The following FCRL2 variants were observed in gnomAD, a reference collection of about 807,000 sequenced individuals.
FCRL2 encodes the protein Fc receptor-like protein 2.
A neutral mutation model predicts 59.8 loss-of-function variants in FCRL2; 48 were observed. That is an observed-to-expected ratio of 0.80 (90% CI 0.64 to 1.02). FCRL2 has a LOEUF of 1.02. Among genes scored for constraint, FCRL2 ranks in the 50% least tolerant of loss-of-function variants. FCRL2 has a pLI of 0.00. For synonymous variants in FCRL2, 251 were observed against 229.5 expected, an observed-to-expected ratio of 1.09 and a Z score of -0.85; for missense variants, 658 against 597.3, an observed-to-expected ratio of 1.10 and a Z score of -1.06.
chr1:157,756,505 A>G (rs996623002), intron 7 of FCRL2, among the ~76,000 whole-genome samples: 1 of 152,140 alleles, frequency 6.6e-6, no homozygotes, highest in Non-Finnish European at 1.5e-5. Context: ...CAACATATAG[A>G]GTCATCTCCA....
At chr1:157,770,715 A>AT in intron 2 of FCRL2, 49 bp from the exon 3 acceptor site, 1 of 1,604,096 alleles carries the variant, frequency 6.2e-7, no homozygotes, top group East Asian at 2.2e-5. Flanking sequence ...CAGAGAACCC[A>AT]GACAGACTCC....
In FCRL2 at chr1:157,748,599, A is replaced by T. The variant is rs1300632539; in HGVS notation, c.1413T>A (p.Asp471Glu). The T allele has an allele frequency of 1.9e-6, 3 of 1,613,816 alleles. No individual in the cohort carries two copies. The highest frequency in any genetic ancestry group is 2.5e-6 in the Non-Finnish European group (3 of 1,179,846). ...VYVNVGSVDVDVVYSQVWSMQ... is the reference protein window; with the variant it reads ...VYVNVGSVDVEVVYSQVWSMQ... ...TGCTCCAGACCTGAGAATAAACCAC[A>T]TCCACATCTACAGAGCCCACTGCAG... The change falls in exon 10 of 12, where the codon GAT (aspartate) becomes GAA (glutamate). Residue 471 changes from aspartate (D) to glutamate (E), a missense_variant. Physicochemically the swap from Asp to Glu is conservative, Grantham distance 45. Coordinates refer to ENST00000361516, the MANE Select transcript of FCRL2 (RefSeq NM_030764.4).
chr1:157,765,994 C>T (rs1385819562), intron 7 of FCRL2, among the ~76,000 whole-genome samples: 1 of 152,146 alleles, frequency 6.6e-6, no homozygotes, highest in Non-Finnish European at 1.5e-5. Flanking sequence ...CGTATATGTG[C>T]TCTAGTTGAC....
intron 7 of FCRL2, among the ~76,000 whole-genome samples, chr1:157,753,306 C>A (rs565307259): frequency 6.6e-6 from 1 of 152,252 alleles, no homozygotes; most frequent in South Asian, 2.1e-4. Context: ...ACCCCAGATG[C>A]CAATAATATG....
intron 7 of FCRL2, among the ~76,000 whole-genome samples, chr1:157,751,831 A>G (rs867706234): frequency 1.3e-5 from 2 of 152,260 alleles, no homozygotes; most frequent in Admixed American, 6.5e-5. Flanking sequence ...GGTAATGTTA[A>G]TAGTTGGGGG....
At chr1:157,753,643 T>C (rs1264784765) in intron 7 of FCRL2, among the ~76,000 whole-genome samples, 1 of 152,192 alleles carries the variant, frequency 6.6e-6, no homozygotes, top group Non-Finnish European at 1.5e-5. Flanking sequence ...TCCCATTACA[T>C]AGGTATGATT....
At chr1:157,767,678 G>A in intron 5 of FCRL2, 169 bp from the exon 6 acceptor site, 1 of 1,578,522 alleles carries the variant, frequency 6.3e-7, no homozygotes, top group Non-Finnish European at 8.6e-7. Flanking sequence ...AATATATTTA[G>A]ACGTTTGAGG....
intron 7 of FCRL2, among the ~76,000 whole-genome samples, chr1:157,750,225 T>C (rs548841254): frequency 1.3e-5 from 2 of 152,358 alleles, no homozygotes; most frequent in East Asian, 1.9e-4. Flanking sequence ...AAACGCAGTA[T>C]ATTAGCATAG....
At chr1:157,775,701 C>T in intron 2 of FCRL2, 74 bp downstream of exon 2, 1 of 1,548,714 alleles carries the variant, frequency 6.5e-7, no homozygotes, top group East Asian at 2.2e-5. Context: ...CCAGAGCCAC[C>T]TCTATAGAAT....
At position 157,745,852 on chromosome 1, in the gene FCRL2, T is replaced by A. The variant is rs1647704028; in HGVS notation, c.*884A>T. 6.6e-6 allele frequency: 1 copy of A among 152,260 alleles called. No individual in the cohort carries two copies. Among genetic ancestry groups the A allele is most frequent in the African/African-American group, 2.4e-5 (1 of 41,474 alleles). 9.4% of individuals were successfully genotyped at this position (152,260 alleles called of 1,614,324 possible). Reference sequence around the variant, plus strand: ...TGCAACTATATGCATACTTTGGTGATATTGCAGGTTCAGTTCCAGACTACC... The same window carrying A: ...TGCAACTATATGCATACTTTGGTGAAATTGCAGGTTCAGTTCCAGACTACC... On this transcript the variant is annotated 3_prime_UTR_variant, in exon 12 of 12. Transcript: ENST00000361516.
rs2101742702 is a variant in FCRL2, at chr1:157,768,628, G to T, written c.669C>A (p.Ile223=). ...TACCCCCAGCCACTGAGCAGAGCAG[G>T]ATCAGTTTTTGTCCTTCAGTCACCT... ...GGQVTEGQKL[I]LLCSVAGGTG... The change falls in exon 5 of 12, where the codon ATC becomes ATA. Residue 223 remains isoleucine, a synonymous_variant. Coordinates refer to ENST00000361516, the MANE Select transcript of FCRL2 (RefSeq NM_030764.4). 4 of 1,614,196 alleles carry T rather than the reference G, an allele frequency of 2.5e-6. No homozygotes were observed. The highest frequency in any genetic ancestry group is 3.4e-6 in the Non-Finnish European group (4 of 1,180,018).
At chr1:157,748,299 T>C (rs951193790) in intron 10 of FCRL2, among the ~76,000 whole-genome samples, 2 of 152,084 alleles carry the variant, frequency 1.3e-5, no homozygotes, top group Non-Finnish European at 2.9e-5. Flanking sequence ...TCATCCCAGC[T>C]ACTCAGGAGT....
chr1:157,768,338 A>T, intron 5 of FCRL2, 76 bp downstream of exon 5: 1 of 1,492,030 alleles, frequency 6.7e-7, no homozygotes, highest in Non-Finnish European at 9.1e-7. Context: ...GGCCTCCTGA[A>T]ATTTCCTCAG....
In FCRL2 at chr1:157,767,496, G is replaced by A; in HGVS notation, c.897C>T (p.Arg299=). 1 of 1,614,218 alleles carries A rather than the reference G, an allele frequency of 6.2e-7. No homozygotes were observed. The highest frequency in any genetic ancestry group is 8.5e-7 in the Non-Finnish European group (1 of 1,180,040). ...CAGGAGACCTGAGGGTGAGGACAGGGCGAGACACTGGAACTGACAGACACA... is the reference window on the plus strand; with the variant it reads ...CAGGAGACCTGAGGGTGAGGACAGGACGAGACACTGGAACTGACAGACACA... ...VNIPVRIPVS[R]PVLTLRSPGA... Residue 299 remains arginine, a synonymous_variant, in exon 6 of 12, where the codon CGC becomes CGT. Transcript: ENST00000361516.
chr1:157,749,585 T>A, intron 8 of FCRL2, 65 bp downstream of exon 8: 1 of 1,108,322 alleles, frequency 9.0e-7, no homozygotes, highest in Middle Eastern at 2.0e-4. Context: ...CAGAGTACAG[T>A]AGGTATTTAA....
At chr1:157,756,584 C>A (rs1648605060) in intron 7 of FCRL2, among the ~76,000 whole-genome samples, 1 of 150,604 alleles carries the variant, frequency 6.6e-6, no homozygotes, top group African/African-American at 2.4e-5. Flanking sequence ...GAAATTGAGG[C>A]AAGAGGATCA....
chr1:157,749,871 T>C (rs1468841802), intron 7 of FCRL2, among the ~76,000 whole-genome samples, 194 bp from the exon 8 acceptor site: 1 of 152,222 alleles, frequency 6.6e-6, no homozygotes, highest in Non-Finnish European at 1.5e-5. Flanking sequence ...ATTCTTTTTT[T>C]CCCACTGATT....
At chr1:157,764,079 C>T (rs1472611715) in intron 7 of FCRL2, among the ~76,000 whole-genome samples, 3 of 151,176 alleles carry the variant, frequency 2.0e-5, no homozygotes, top group Admixed American at 2.0e-4. Flanking sequence ...TGGCACACGC[C>T]TGTAGTCCCA....
chr1:157,768,478 A>G lies in FCRL2; in HGVS notation c.819T>C (p.Tyr273=), dbSNP rs536322468. 2.5e-6 allele frequency: 4 copies of G among 1,614,148 alleles called. No homozygotes were observed. In the South Asian group the frequency reaches 4.4e-5, roughly 18 times the overall value. Residue 273 remains tyrosine (Y), a synonymous_variant, in exon 5 of 12, where the codon TAT becomes TAC. Coordinates refer to ENST00000361516, the MANE Select transcript of FCRL2 (RefSeq NM_030764.4). ...PAVKESDAGK[Y]YCRADNGHVP... ...CATGGCCGTTGTCAGCTCTACAGTA[A>G]TATTTGCCGGCATCACTCTCTTTCA...
Sources: allele counts gnomAD v4.1 joint callset (sites outside exome capture counted in the v4.1 genomes callset), GRCh38; gene constraint gnomAD v4.1.1; transcripts MANE v1.5; gene names NCBI Gene and HGNC (gene_info 2026-07-23, HGNC 2026-07-21).